Variants in CCDC85C observed in about 807,000 individuals in gnomAD.
CCDC85C encodes coiled-coil domain-containing protein 85C.
Under a neutral mutation model 38.3 loss-of-function variants are expected in CCDC85C, and 18 were observed. The ratio of observed to expected loss-of-function variants is 0.47; its 90% CI spans 0.33 to 0.70. CCDC85C has a LOEUF of 0.70. Among genes scored for constraint, CCDC85C ranks in the 30% least tolerant of loss-of-function variants. The pLI, the probability that CCDC85C is intolerant of heterozygous loss-of-function variation, is 0.03. For missense variants in CCDC85C, 566 were observed against 621.2 expected (o/e 0.91, Z 0.94); for synonymous variants, 264 against 293.8 (o/e 0.90, Z 1.04).
intron 1 of CCDC85C, among the ~76,000 whole-genome samples, chr14:99,598,520 A>G (rs139521738): frequency 0.017 from 2,624 of 152,176 alleles, 67 homozygotes; most frequent in African/African-American, 0.06. Flanking sequence ...AAGGTGGCCC[A>G]CCCTGCACCG....
In CCDC85C at chr14:99,522,255, A is replaced by G. The variant is rs1241283661; in HGVS notation, c.868-15T>C. 2 of 1,537,728 alleles carry G rather than the reference A, an allele frequency of 1.3e-6. No individual in the cohort carries two copies. The highest frequency in any genetic ancestry group is 1.8e-6 in the Non-Finnish European group (2 of 1,140,244). ...GAGCCTGCCTGCTGCAGGGGAGAGAAGGAGAGGGGTTAGACGGAGGGCCAG... is the reference window on the plus strand; with the variant it reads ...GAGCCTGCCTGCTGCAGGGGAGAGAGGGAGAGGGGTTAGACGGAGGGCCAG... On this transcript the variant is annotated splice_polypyrimidine_tract_variant and intron_variant, in intron 2 of 5. Transcript: ENST00000380243.
At chr14:99,568,126 T>C (rs1311540543) in intron 1 of CCDC85C, among the ~76,000 whole-genome samples, 1 of 151,810 alleles carries the variant, frequency 6.6e-6, no homozygotes, top group Non-Finnish European at 1.5e-5. Flanking sequence ...CTGGTACAAC[T>C]GCCCAGTTTG....
chr14:99,580,590 C>G (rs2054957801), intron 1 of CCDC85C, among the ~76,000 whole-genome samples: 1 of 151,996 alleles, frequency 6.6e-6, no homozygotes, highest in Non-Finnish European at 1.5e-5. Flanking sequence ...CATGGCCGGG[C>G]ATGGTGGCTC....
chr14:99,522,317 C>T (rs925975017), intron 2 of CCDC85C, 77 bp from the exon 3 acceptor site: 55 of 1,120,482 alleles, frequency 4.9e-5, no homozygotes, highest in South Asian at 2.3e-4. Context: ...TGGCTCCTCA[C>T]GGCAGCAGGG....
intron 1 of CCDC85C, among the ~76,000 whole-genome samples, chr14:99,556,737 G>A (rs896052802): frequency 2.0e-5 from 3 of 151,946 alleles, no homozygotes; most frequent in African/African-American, 7.3e-5. Context: ...ATGTTGCCCA[G>A]ACTGATCTCA....
intron 1 of CCDC85C, among the ~76,000 whole-genome samples, chr14:99,591,600 T>C (rs2055087604): frequency 6.6e-6 from 1 of 152,200 alleles, no homozygotes; most frequent in Admixed American, 6.5e-5. Context: ...GCAATGTGCC[T>C]TCTGCACAGC....
chr14:99,590,593 G>T (rs2055075124), intron 1 of CCDC85C, among the ~76,000 whole-genome samples: 1 of 152,146 alleles, frequency 6.6e-6, no homozygotes, highest in Non-Finnish European at 1.5e-5. Flanking sequence ...CTTTCTTCCT[G>T]GTGGTCTAGT....
Position 99,503,556 on chromosome 14 carries a change from T to C in CCDC85C, c.*11690A>G, listed in dbSNP as rs2069499. On this transcript the variant is annotated 3_prime_UTR_variant, in exon 6 of 6. Transcript: ENST00000380243. ...TGGTGGTACCTGGATAATCCATTTT[T>C]TTCTCATCATACTCAGGATCCCAGT... 2,732 of 1,476,118 alleles carry C rather than the reference T, an allele frequency of 1.9e-3. 43 individuals carry two copies. The African/African-American group carries it at 0.032, about 17-fold the overall frequency. The allele number at this position is 1,476,118 out of a possible 1,614,324, so 91.4% of individuals were successfully genotyped here.
intron 1 of CCDC85C, among the ~76,000 whole-genome samples, chr14:99,575,244 T>C (rs1363186181): frequency 1.3e-5 from 2 of 152,182 alleles, no homozygotes; most frequent in African/African-American, 4.8e-5. Flanking sequence ...GGATGCTTAG[T>C]GTGCATTAGT....
rs1474161062 is a variant in CCDC85C at position 99,508,505 on chromosome 14, CT to C, written c.*6740del. 2 of 152,610 alleles carry C rather than the reference CT, an allele frequency of 1.3e-5. No individual in the cohort carries two copies. Among genetic ancestry groups the C allele is most frequent in the Non-Finnish European group, 2.9e-5 (2 of 68,364 alleles). The allele number at this position is 152,610 out of a possible 1,614,324, so 9.5% of individuals were successfully genotyped here. A position where few individuals can be genotyped will look rare whatever the true frequency, so the allele number is the denominator to read the frequency against. On this transcript the variant is annotated 3_prime_UTR_variant, in exon 6 of 6. Coordinates refer to ENST00000380243, the MANE Select transcript of CCDC85C (RefSeq NM_001144995.2). ...GAGTGGGACCTGGGTGCCAGATACA[CT>C]GCCAGGAGGCCATGGCTGAAGAGAG... is the stretch of plus-strand genomic sequence containing the variant.
rs1300320018 is a variant in CCDC85C, at chr14:99,533,379, C to T, written c.867+2636G>A. ...CAGAGATACAAGCTCCTTCAGCGAC[C>T]ACTCCAGCAGCATGGCTTGACTGGG... is the stretch of plus-strand genomic sequence containing the variant. On this transcript the variant is annotated intron_variant, in intron 2 of 5. Transcript: ENST00000380243. The surrounding 1 kb of genome is among the most constrained non-coding windows in gnomAD (Gnocchi z 4.2). Among the ~76,000 whole-genome samples, 2 of 152,260 alleles carry T rather than the reference C, an allele frequency of 1.3e-5. No homozygotes were observed. The highest frequency in any genetic ancestry group is 2.9e-5 in the Non-Finnish European group (2 of 68,044).
Position 99,502,071 on chromosome 14 carries a change from T to C in CCDC85C, c.*13175A>G. On this transcript the variant is annotated 3_prime_UTR_variant, in exon 6 of 6. Transcript: ENST00000380243. ...CCTTTAGAAGAGTAAAGACTTGAGT[T>C]TATTTATTTATAGTACTTTAATTAA... is the stretch of plus-strand genomic sequence containing the variant. The C allele has an allele frequency of 1.0e-6, 1 of 972,424 alleles. No individual in the cohort carries two copies. The highest frequency in any genetic ancestry group is 1.4e-6 in the Non-Finnish European group (1 of 697,662). 60.2% of individuals were successfully genotyped at this position (972,424 alleles called of 1,614,324 possible). A position where few individuals can be genotyped will look rare whatever the true frequency, so the allele number is the denominator to read the frequency against.
chr14:99,543,656 G>A (rs867658458), intron 1 of CCDC85C, among the ~76,000 whole-genome samples: 7 of 152,166 alleles, frequency 4.6e-5, no homozygotes, highest in African/African-American at 1.7e-4. Flanking sequence ...GGCACAGCCT[G>A]AGCAAAGGCA....
intron 1 of CCDC85C, among the ~76,000 whole-genome samples, chr14:99,538,126 C>T (rs1299466638): frequency 1.3e-5 from 2 of 152,318 alleles, no homozygotes; most frequent in East Asian, 3.9e-4. Context: ...GTGGTACCCC[C>T]TGCATCTGAT....
At position 99,558,616 on chromosome 14, in the gene CCDC85C, T is replaced by C. The variant is rs1898055796; in HGVS notation, c.794-22528A>G. Among the ~76,000 whole-genome samples, 1 of 152,068 alleles carries C rather than the reference T, an allele frequency of 6.6e-6. No homozygotes were observed. The highest frequency in any genetic ancestry group is 6.6e-5 in the Admixed American group (1 of 15,264). On this transcript the variant is annotated intron_variant, in intron 1 of 5. Coordinates refer to ENST00000380243, the MANE Select transcript of CCDC85C (RefSeq NM_001144995.2). This position sits in a 1 kb window ranked among gnomAD's most constrained non-coding sequence, Gnocchi z 4.2. ...AGCCTGGAGATAGAGCGAGACTCTG[T>C]CTCAAAAAAATTAAATAAAAATAAA... is the stretch of plus-strand genomic sequence containing the variant.
intron 1 of CCDC85C, among the ~76,000 whole-genome samples, chr14:99,584,891 C>G (rs2055010876): frequency 6.6e-6 from 1 of 152,206 alleles, no homozygotes; most frequent in Non-Finnish European, 1.5e-5. Flanking sequence ...GAGTTTGAGA[C>G]AAGCCTGGGC....
At chr14:99,584,259 A>G (rs1308844853) in intron 1 of CCDC85C, among the ~76,000 whole-genome samples, 1 of 152,142 alleles carries the variant, frequency 6.6e-6, no homozygotes, top group Non-Finnish European at 1.5e-5. Flanking sequence ...TGAGCATTAT[A>G]GTGTCTTCCA....
Position 99,515,118 on chromosome 14 carries a change from G to C in CCDC85C, c.*128C>G, listed in dbSNP as rs1197383933. 1.5e-6 allele frequency: 1 copy of C among 661,914 alleles called. No homozygotes were observed. Among genetic ancestry groups the C allele is most frequent in the Non-Finnish European group, 2.5e-6 (1 of 395,746 alleles). The allele number at this position is 661,914 out of a possible 1,614,324, so 41.0% of individuals were successfully genotyped here. On this transcript the variant is annotated 3_prime_UTR_variant, in exon 6 of 6. Transcript: ENST00000380243. ...TGGCAGCTGGGCCAGGGCGGGCAGC[G>C]TCCTATGTACAGTTCACCACAGAGG... is the stretch of plus-strand genomic sequence containing the variant.
chr14:99,542,802 T>C (rs1307903443), intron 1 of CCDC85C, among the ~76,000 whole-genome samples: 1 of 152,208 alleles, frequency 6.6e-6, no homozygotes, highest in African/African-American at 2.4e-5. Context: ...TGCAGCTGCA[T>C]GTTCCTGGCC....
Sources: allele counts gnomAD v4.1 joint callset (sites outside exome capture counted in the v4.1 genomes callset), GRCh38; gene constraint gnomAD v4.1.1; non-coding constraint Gnocchi (gnomAD v3.1); transcripts MANE v1.5; gene names NCBI Gene and HGNC (gene_info 2026-07-23, HGNC 2026-07-21).